FPR2: variants seen among roughly 807,000 people sequenced by gnomAD.
The protein encoded by FPR2 is formyl peptide receptor 2.
In FPR2, 3 loss-of-function variants were observed where a neutral mutation model predicts 4.0. That is an observed-to-expected ratio of 0.74 (90% CI 0.34 to 1.92). The LOEUF is 1.92. Among genes scored for constraint, FPR2 ranks in the 30% most tolerant of loss-of-function variants. FPR2 has a pLI of 0.07. For missense variants in FPR2, 372 were observed against 435.7 expected, an observed-to-expected ratio of 0.85 and a Z score of 1.30; for synonymous variants, 179 against 171.5, an observed-to-expected ratio of 1.04 and a Z score of -0.34.
At chr19:51,765,018 G>C (rs1186542685) in intron 1 of FPR2, among the ~76,000 whole-genome samples, 1 of 152,102 alleles carries the variant, frequency 6.6e-6, no homozygotes, top group Non-Finnish European at 1.5e-5. Flanking sequence ...GTAGAGACAG[G>C]GTTTCACCAT....
intron 1 of FPR2, among the ~76,000 whole-genome samples, chr19:51,766,957 G>C (rs59546961): frequency 0.26 from 39,907 of 152,032 alleles, 5,338 homozygotes; most frequent in East Asian, 0.37. Context: ...AAGTTCAGGG[G>C]TATATGTGCA....
At chr19:51,767,973 A>G (rs1199177407) in intron 1 of FPR2, among the ~76,000 whole-genome samples, 2 of 152,154 alleles carry the variant, frequency 1.3e-5, no homozygotes, top group East Asian at 3.9e-4. Context: ...CAAACAGAGA[A>G]GAGCTCCACA....
rs368100562 is a variant in FPR2 at position 51,769,599 on chromosome 19, T to A, written c.941T>A (p.Ile314Asn). 12 of 1,614,060 alleles carry A rather than the reference T, an allele frequency of 7.4e-6. No individual in the cohort carries two copies. The highest frequency in any genetic ancestry group is 1.3e-5 in the African/African-American group (1 of 74,922). The change falls in exon 2 of 2, where the codon ATC (isoleucine) becomes AAC (asparagine). Residue 314 changes from isoleucine to asparagine, a missense_variant. Ile to Asn is a moderately radical substitution (Grantham distance 149, BLOSUM62 -3). Coordinates refer to ENST00000340023, the MANE Select transcript of FPR2 (RefSeq NM_001005738.2). This position sits in a 1 kb window ranked among gnomAD's most constrained non-coding sequence, Gnocchi z 4.4. ...GGCCAAGACTTCCGAGAGAGACTGA[T>A]CCACTCCCTGCCCACCAGTCTGGAG... The part of the protein sequence containing the change: ...FVGQDFRERL[I>N]HSLPTSLERA...
chr19:51,768,280 C>T (rs555513500), intron 1 of FPR2: 84 of 186,176 alleles, frequency 4.5e-4, no homozygotes, highest in Non-Finnish European at 8.6e-4. Context: ...TGGTGGGAGA[C>T]ACAGATGTGA....
rs1176637944 is a variant in FPR2, at chr19:51,769,421, T to C, written c.763T>C (p.Phe255Leu). The C allele has an allele frequency of 1.2e-6, 2 of 1,614,190 alleles. No individual in the cohort carries two copies. Among genetic ancestry groups the C allele is most frequent in the South Asian group, 2.2e-5 (2 of 91,086 alleles). ...AVVASFFICW[F>L]PFQLVALLGT... is the part of the protein sequence containing the mutation. ...GGTGGCTTCTTTCTTCATCTGTTGG[T>C]TTCCCTTTCAACTGGTTGCCCTTCT... Residue 255 changes from phenylalanine to leucine, a missense_variant, in exon 2 of 2, where the codon TTT (phenylalanine) becomes CTT (leucine). Transcript: ENST00000340023. The surrounding 1 kb of genome is among the most constrained non-coding windows in gnomAD (Gnocchi z 4.4).
intron 1 of FPR2, among the ~76,000 whole-genome samples, chr19:51,765,081 C>A (rs1305705906): frequency 2.0e-5 from 3 of 152,216 alleles, no homozygotes; most frequent in Non-Finnish European, 2.9e-5. Context: ...CCTGTCTTGG[C>A]CTCCCAAAGT....
At chr19:51,765,260 C>T (rs1331693374) in intron 1 of FPR2, among the ~76,000 whole-genome samples, 1 of 152,144 alleles carries the variant, frequency 6.6e-6, no homozygotes. Flanking sequence ...GGGTTAACAG[C>T]ACAATTCTGT....
chr19:51,769,597 G>A lies in FPR2; in HGVS notation c.939G>A (p.Leu313=), dbSNP rs142300299. 2 of 1,614,188 alleles carry A rather than the reference G, an allele frequency of 1.2e-6. No homozygotes were observed. Among genetic ancestry groups the A allele is most frequent in the East Asian group, 4.5e-5 (2 of 44,888 alleles). Residue 313 remains leucine (L), a synonymous_variant, in exon 2 of 2, where the codon CTG becomes CTA. Transcript: ENST00000340023. The surrounding 1 kb of genome is among the most constrained non-coding windows in gnomAD (Gnocchi z 4.4). The part of the protein sequence containing the change: ...VFVGQDFRER[L]IHSLPTSLER... ...TGGGCCAAGACTTCCGAGAGAGACT[G>A]ATCCACTCCCTGCCCACCAGTCTGG...
At chr19:51,766,156 G>A (rs1339725211) in intron 1 of FPR2, among the ~76,000 whole-genome samples, 1 of 150,900 alleles carries the variant, frequency 6.6e-6, no homozygotes, top group Non-Finnish European at 1.5e-5. Context: ...CCTGACCTCA[G>A]GCAATCCACC....
intron 1 of FPR2, 149 bp from the exon 2 acceptor site, chr19:51,768,496 T>C: frequency 1.6e-6 from 1 of 641,624 alleles, no homozygotes; most frequent in African/African-American, 1.8e-5. Flanking sequence ...GAATGCCAAT[T>C]CTATAGCACC....
At chr19:51,763,606 T>C (rs907037141) in intron 1 of FPR2, 3 of 152,278 alleles carry the variant, frequency 2.0e-5, no homozygotes, top group Non-Finnish European at 2.9e-5. Flanking sequence ...AGAAAACTCC[T>C]TCCAAAATCT....
chr19:51,768,102 T>C (rs2083877859), intron 1 of FPR2, among the ~76,000 whole-genome samples: 2 of 152,150 alleles, frequency 1.3e-5, no homozygotes, highest in African/African-American at 4.8e-5. Context: ...CAGTGACTCC[T>C]CAAAATTCTC....
chr19:51,769,340 A>T lies in FPR2; in HGVS notation c.682A>T (p.Ile228Phe). The change falls in exon 2 of 2, where the codon ATC (isoleucine) becomes TTC (phenylalanine). Residue 228 changes from isoleucine (I) to phenylalanine (F), a missense_variant. Physicochemically the swap from Ile to Phe is conservative, Grantham distance 21 (BLOSUM62 0). Transcript: ENST00000340023. This position sits in a 1 kb window ranked among gnomAD's most constrained non-coding sequence, Gnocchi z 4.4. ...AICYGLIAAK[I>F]HKKGMIKSSR... Reference sequence around the variant, plus strand: ...CTGCTATGGGCTCATTGCAGCCAAGATCCACAAAAAGGGCATGATTAAATC... The same window carrying T: ...CTGCTATGGGCTCATTGCAGCCAAGTTCCACAAAAAGGGCATGATTAAATC... 7 of 1,614,178 alleles carry T rather than the reference A, an allele frequency of 4.3e-6. No homozygotes were observed. Among genetic ancestry groups the T allele is most frequent in the Non-Finnish European group, 5.9e-6 (7 of 1,180,036 alleles).
chr19:51,761,364 A>C (rs1169806611), intron 1 of FPR2, 134 bp downstream of exon 1: 3 of 152,244 alleles, frequency 2.0e-5, no homozygotes, highest in African/African-American at 7.2e-5. Context: ...CTATGTTTCT[A>C]TCTTGATCTG....
intron 1 of FPR2, among the ~76,000 whole-genome samples, chr19:51,767,765 C>A (rs17756805): frequency 0.079 from 12,056 of 152,186 alleles, 588 homozygotes; most frequent in South Asian, 0.17. Context: ...CCTGAGCTTT[C>A]ATTTATTCTA....
At chr19:51,766,201 G>A (rs1240290388) in intron 1 of FPR2, among the ~76,000 whole-genome samples, 2 of 152,198 alleles carry the variant, frequency 1.3e-5, no homozygotes, top group Non-Finnish European at 1.5e-5. Context: ...GATTACAGGC[G>A]TGAGCCACCG....
intron 1 of FPR2, among the ~76,000 whole-genome samples, chr19:51,764,878 G>C (rs1379462052): frequency 6.6e-6 from 1 of 152,006 alleles, no homozygotes; most frequent in Non-Finnish European, 1.5e-5. Flanking sequence ...CCAGGCTGGA[G>C]TGCTGTGGCA....
At chr19:51,762,776 AT>A (rs1228586883) in intron 1 of FPR2, 2 of 152,160 alleles carry the variant, frequency 1.3e-5, no homozygotes, top group Non-Finnish European at 2.9e-5. Context: ...GGAACAACCT[AT>A]TTGCAAAGTT....
At chr19:51,764,456 G>T (rs575155322) in intron 1 of FPR2, among the ~76,000 whole-genome samples, 1 of 152,320 alleles carries the variant, frequency 6.6e-6, no homozygotes, top group African/African-American at 2.4e-5. Context: ...TAGCGAGTGC[G>T]CTGGAGAAGT....
Sources: gnomAD v4.1 joint callset for allele counts (sites outside exome capture counted in the v4.1 genomes callset) on GRCh38, gnomAD v4.1.1 for gene constraint, Gnocchi (gnomAD v3.1) non-coding constraint, MANE v1.5 for transcripts, NCBI Gene and HGNC (gene_info 2026-07-23, HGNC 2026-07-21) for gene names.